The following DCPS variants were observed in gnomAD, a reference collection of about 807,000 sequenced individuals.
The protein encoded by DCPS is decapping enzyme, scavenger.
Under a neutral mutation model 34.7 loss-of-function variants are expected in DCPS, and 27 were observed. The ratio of observed to expected loss-of-function variants is 0.78; its 90% confidence interval spans 0.57 to 1.07. The LOEUF is 1.07. Among genes scored for constraint, DCPS ranks in the 50% least tolerant of loss-of-function variants. The probability of loss-of-function intolerance (pLI) is 0.00; values close to 1 mark genes in which losing one functional copy is unlikely to be tolerated. For missense variants in DCPS, 464 were observed against 436.9 expected (o/e 1.06, Z -0.55); for synonymous variants, 185 against 185.7 (o/e 1.00, Z 0.03).
At chr11:126,341,891 A>T (rs1159379566) in intron 4 of DCPS, 1 of 152,272 alleles carries the variant, frequency 6.6e-6, no homozygotes, top group Non-Finnish European at 1.5e-5. Context: ...AAGGCAGAGA[A>T]CACAGATTCT....
intron 1 of DCPS, 96 bp from the exon 2 acceptor site, chr11:126,306,474 A>C: frequency 1.6e-6 from 2 of 1,275,778 alleles, no homozygotes; most frequent in Non-Finnish European, 2.1e-6. Flanking sequence ...AATCCCAAGT[A>C]TTGGGAATTC....
chr11:126,342,497 A>T lies in DCPS; in HGVS notation c.637-810A>T, dbSNP rs538594772. On this transcript the variant is annotated intron_variant, in intron 4 of 5. Coordinates refer to ENST00000263579, the MANE Select transcript of DCPS (RefSeq NM_014026.6). This position sits in a 1 kb window ranked among gnomAD's most constrained non-coding sequence, Gnocchi z 4.4. Reference sequence around the variant, plus strand: ...CTTCCGTATACATTCTATGCCCTATACATTCTTGCCTCCGAGTCTTTGCTC... The same window carrying T: ...CTTCCGTATACATTCTATGCCCTATTCATTCTTGCCTCCGAGTCTTTGCTC... Among the ~76,000 whole-genome samples, 5 of 152,234 alleles carry T rather than the reference A, an allele frequency of 3.3e-5. No individual in the cohort carries two copies. The highest frequency in any genetic ancestry group is 1.3e-4 in the Admixed American group (2 of 15,296).
rs1045268846 is a variant in DCPS, at chr11:126,313,798, A to G, written c.376+7054A>G. ...GTTTCTTGGATTGTGTGTTCTGAGC[A>G]TATGTATTCTTTTTATTTTACTTAG... On this transcript the variant is annotated intron_variant, in intron 2 of 5. Coordinates refer to ENST00000263579, the MANE Select transcript of DCPS (RefSeq NM_014026.6). This position sits in a 1 kb window ranked among gnomAD's most constrained non-coding sequence, Gnocchi z 4.9. Among the ~76,000 whole-genome samples, 6 of 152,234 alleles carry G rather than the reference A, an allele frequency of 3.9e-5. No homozygotes were observed. The highest frequency in any genetic ancestry group is 8.8e-5 in the Non-Finnish European group (6 of 68,050).
intron 1 of DCPS, among the ~76,000 whole-genome samples, chr11:126,305,986 C>T (rs762888241): frequency 6.6e-5 from 10 of 152,148 alleles, no homozygotes; most frequent in Non-Finnish European, 1.3e-4. Flanking sequence ...GAGAACTTGA[C>T]AGAGGTCTTG....
chr11:126,314,839 G>C (rs1443808602), intron 2 of DCPS, among the ~76,000 whole-genome samples: 1 of 152,124 alleles, frequency 6.6e-6, no homozygotes, highest in African/African-American at 2.4e-5. Context: ...AGGAAAGGGT[G>C]GGGAGTGGTG....
rs973239463 is a variant in DCPS, at chr11:126,346,931, A to G, written c.*1318A>G. ...ATGGTGAAACCCATCTCTACTAAAA[A>G]ACAGAAAAATTAGCCAGGTGTGGTG... On this transcript the variant is annotated 3_prime_UTR_variant, in exon 6 of 6. Coordinates refer to ENST00000263579, the MANE Select transcript of DCPS (RefSeq NM_014026.6). This position sits in a 1 kb window ranked among gnomAD's most constrained non-coding sequence, Gnocchi z 4.1. 6.6e-6 allele frequency among the ~76,000 whole-genome samples: 1 copy of G among 151,952 alleles called. No homozygotes were observed. Among genetic ancestry groups the G allele is most frequent in the African/African-American group, 2.4e-5 (1 of 41,370 alleles).
chr11:126,343,376 G>C lies in DCPS; in HGVS notation c.706G>C (p.Glu236Gln), dbSNP rs201029942. The change falls in exon 5 of 6, where the codon GAG becomes CAG. Residue 236 changes from glutamate (E) to glutamine (Q), a missense_variant. Glu to Gln is a conservative substitution (Grantham distance 29). Transcript: ENST00000263579. ...GIRSLRDLTP[E>Q]HLPLLRNILH... is the part of the protein sequence containing the mutation. ...CAGATCCCTACGCGACCTTACTCCG[G>C]AGCACTTGCCGCTGCTCAGGAACAT... is the stretch of plus-strand genomic sequence containing the variant. 1 of 1,613,968 alleles carries C rather than the reference G, an allele frequency of 6.2e-7. No homozygotes were observed. Among genetic ancestry groups the C allele is most frequent in the East Asian group, 2.2e-5 (1 of 44,852 alleles).
In DCPS at chr11:126,338,654, A is replaced by G. The variant is rs1951853993; in HGVS notation, c.636+255A>G. 6.6e-6 allele frequency among the ~76,000 whole-genome samples: 1 copy of G among 152,166 alleles called. No homozygotes were observed. The highest frequency in any genetic ancestry group is 1.5e-5 in the Non-Finnish European group (1 of 68,034). ...GTAAAATGGGGTGATGTTTGTGCCC[A>G]TGACTACATAGGCCATTCCTTACCA... On this transcript the variant is annotated intron_variant, in intron 4 of 5. Coordinates refer to ENST00000263579, the MANE Select transcript of DCPS (RefSeq NM_014026.6). This position sits in a 1 kb window ranked among gnomAD's most constrained non-coding sequence, Gnocchi z 5.4.
rs1410750343 is a variant in DCPS, at chr11:126,325,978, CGT to C, written c.377-5425_377-5424del. Among the ~76,000 whole-genome samples the C allele has an allele frequency of 2.0e-5, 3 of 152,044 alleles. No individual in the cohort carries two copies. Among genetic ancestry groups the C allele is most frequent in the African/African-American group, 7.2e-5 (3 of 41,400 alleles). Reference sequence around the variant, plus strand: ...ACTAAAAATACAAGTATTAGCCAGGCGTGGTGGCGTGGGCCTGTAATCCTAGC... The same window carrying C: ...ACTAAAAATACAAGTATTAGCCAGGCGGTGGCGTGGGCCTGTAATCCTAGC... On this transcript the variant is annotated intron_variant, in intron 2 of 5. Coordinates refer to ENST00000263579, the MANE Select transcript of DCPS (RefSeq NM_014026.6). This position sits in a 1 kb window ranked among gnomAD's most constrained non-coding sequence, Gnocchi z 4.3.
rs766344251 is a variant in DCPS, at chr11:126,338,247, G to A, written c.523-39G>A. On this transcript the variant is annotated intron_variant, in intron 3 of 5. Coordinates refer to ENST00000263579, the MANE Select transcript of DCPS (RefSeq NM_014026.6). This position sits in a 1 kb window ranked among gnomAD's most constrained non-coding sequence, Gnocchi z 5.4. ...TTTGGGGTATCTCTCAAGGGGTGAT[G>A]AGTGGATTTGTGAACCATCTCTCTC... 7 of 1,589,208 alleles carry A rather than the reference G, an allele frequency of 4.4e-6. No homozygotes were observed. Among genetic ancestry groups the A allele is most frequent in the Non-Finnish European group, 5.2e-6 (6 of 1,157,496 alleles).
In DCPS at chr11:126,329,196, G is replaced by A. The variant is rs1323983302; in HGVS notation, c.377-2209G>A. Among the ~76,000 whole-genome samples, 1 of 152,226 alleles carries A rather than the reference G, an allele frequency of 6.6e-6. No homozygotes were observed. The highest frequency in any genetic ancestry group is 2.4e-5 in the African/African-American group (1 of 41,462). ...CATGACCTATGACGCTGAGCTGTTAGAGAACAGAGTGAGAAGCAAGAAAGA... is the reference window on the plus strand; with the variant it reads ...CATGACCTATGACGCTGAGCTGTTAAAGAACAGAGTGAGAAGCAAGAAAGA... On this transcript the variant is annotated intron_variant, in intron 2 of 5. Transcript: ENST00000263579. This position sits in a 1 kb window ranked among gnomAD's most constrained non-coding sequence, Gnocchi z 5.0.
At chr11:126,310,483 C>G (rs1034477106) in intron 2 of DCPS, among the ~76,000 whole-genome samples, 1 of 152,124 alleles carries the variant, frequency 6.6e-6, no homozygotes, top group Admixed American at 6.5e-5. Context: ...TGTTTGGGGT[C>G]AGGGGTGGGG....
rs1951826123 is a variant in DCPS at position 126,335,439 on chromosome 11, T to C, written c.523-2847T>C. Among the ~76,000 whole-genome samples the C allele has an allele frequency of 6.6e-6, 1 of 152,226 alleles. No homozygotes were observed. Among genetic ancestry groups the C allele is most frequent in the Non-Finnish European group, 1.5e-5 (1 of 68,028 alleles). On this transcript the variant is annotated intron_variant, in intron 3 of 5. Transcript: ENST00000263579. This position sits in a 1 kb window ranked among gnomAD's most constrained non-coding sequence, Gnocchi z 4.8. ...TGTTTGTGTGAATTTTGTTCTTTCA[T>C]TCTCCTTTTTTTTTATCTGGGCCCC...
chr11:126,348,132 A>C lies in DCPS; in HGVS notation c.*2519A>C, dbSNP rs1297305154. Among the ~76,000 whole-genome samples, 1 of 152,124 alleles carries C rather than the reference A, an allele frequency of 6.6e-6. No homozygotes were observed. The highest frequency in any genetic ancestry group is 1.5e-5 in the Non-Finnish European group (1 of 68,022). Reference sequence around the variant, plus strand: ...AAGAGAGATGGGACAGAGTTCACCCAACAGGACAGACGAGGCTGGCAGTCA... The same window carrying C: ...AAGAGAGATGGGACAGAGTTCACCCCACAGGACAGACGAGGCTGGCAGTCA... On this transcript the variant is annotated 3_prime_UTR_variant, in exon 6 of 6. Coordinates refer to ENST00000263579, the MANE Select transcript of DCPS (RefSeq NM_014026.6). The surrounding 1 kb of genome is among the most constrained non-coding windows in gnomAD (Gnocchi z 5.3).
intron 2 of DCPS, among the ~76,000 whole-genome samples, chr11:126,311,544 C>T (rs962123238): frequency 3.9e-5 from 6 of 152,190 alleles, no homozygotes; most frequent in Admixed American, 3.3e-4. Context: ...TAGGAGGGCT[C>T]TCTGCAGTGG....
Position 126,329,440 on chromosome 11 carries a change from G to A in DCPS, c.377-1965G>A, listed in dbSNP as rs2135325144. Among the ~76,000 whole-genome samples the A allele has an allele frequency of 6.6e-6, 1 of 152,318 alleles. No individual in the cohort carries two copies. The highest frequency in any genetic ancestry group is 2.1e-4 in the South Asian group (1 of 4,826). Reference sequence around the variant, plus strand: ...TAAGACGTTAAGCCCCATGCCCAAGGGTACACAGCCAGTATGGAGAGTCAT... The same window carrying A: ...TAAGACGTTAAGCCCCATGCCCAAGAGTACACAGCCAGTATGGAGAGTCAT... On this transcript the variant is annotated intron_variant, in intron 2 of 5. Transcript: ENST00000263579. This position sits in a 1 kb window ranked among gnomAD's most constrained non-coding sequence, Gnocchi z 5.0.
At position 126,319,741 on chromosome 11, in the gene DCPS, G is replaced by T. The variant is rs549613335; in HGVS notation, c.377-11664G>T. On this transcript the variant is annotated intron_variant, in intron 2 of 5. Coordinates refer to ENST00000263579, the MANE Select transcript of DCPS (RefSeq NM_014026.6). The surrounding 1 kb of genome is among the most constrained non-coding windows in gnomAD (Gnocchi z 4.5). Reference sequence around the variant, plus strand: ...TTTGGAAAACATGGCCCCAGCACAGGTATCTTAGGAACGGCCCGAAAGAGG... The same window carrying T: ...TTTGGAAAACATGGCCCCAGCACAGTTATCTTAGGAACGGCCCGAAAGAGG... Among the ~76,000 whole-genome samples, 1 of 152,270 alleles carries T rather than the reference G, an allele frequency of 6.6e-6. No homozygotes were observed. Among genetic ancestry groups the T allele is most frequent in the East Asian group, 1.9e-4 (1 of 5,178 alleles).
At position 126,328,046 on chromosome 11, in the gene DCPS, G is replaced by A. The variant is rs760477989; in HGVS notation, c.377-3359G>A. Reference sequence around the variant, plus strand: ...AGGCCTGGATGAAGCGAGGAGCAGCGTGGCTCGTTGGGTAGGAGGGTCAGC... The same window carrying A: ...AGGCCTGGATGAAGCGAGGAGCAGCATGGCTCGTTGGGTAGGAGGGTCAGC... On this transcript the variant is annotated intron_variant, in intron 2 of 5. Coordinates refer to ENST00000263579, the MANE Select transcript of DCPS (RefSeq NM_014026.6). This position sits in a 1 kb window ranked among gnomAD's most constrained non-coding sequence, Gnocchi z 6.6. Among the ~76,000 whole-genome samples the A allele has an allele frequency of 9.2e-5, 14 of 152,242 alleles. No individual in the cohort carries two copies. The highest frequency in any genetic ancestry group is 4.1e-4 in the South Asian group (2 of 4,836).
At chr11:126,330,265 C>T (rs1240740252) in intron 2 of DCPS, among the ~76,000 whole-genome samples, 1 of 152,108 alleles carries the variant, frequency 6.6e-6, no homozygotes, top group Non-Finnish European at 1.5e-5. Flanking sequence ...AACATCCCAA[C>T]AGAGGCCACA....
Sources: allele counts gnomAD v4.1 joint callset (sites outside exome capture counted in the v4.1 genomes callset), GRCh38; gene constraint gnomAD v4.1.1; non-coding constraint Gnocchi (gnomAD v3.1); transcripts MANE v1.5; gene names NCBI Gene and HGNC (gene_info 2026-07-23, HGNC 2026-07-21).